The following FBXW7 variants were observed in gnomAD, a reference collection of about 807,000 sequenced individuals.
The protein encoded by FBXW7 is F-box/WD repeat-containing protein 7.
FBXW7 carries 11 observed loss-of-function variants against 86.3 expected under a neutral mutation model. The observed-to-expected ratio is 0.13, with a 90% CI of 0.08 to 0.21. FBXW7 has a LOEUF of 0.21. Among genes scored for constraint, FBXW7 ranks in the 10% least tolerant of loss-of-function variants. The pLI is 1.00. For synonymous variants in FBXW7, 313 were observed against 297.9 expected (o/e 1.05, Z -0.52); for missense variants, 488 against 847.4 (o/e 0.58, Z 5.27).
chr4:152,367,254 A>G (rs1340134283), intron 4 of FBXW7, among the ~76,000 whole-genome samples: 4 of 152,176 alleles, frequency 2.6e-5, no homozygotes, highest in Admixed American at 1.3e-4. Flanking sequence ...GTGCACATGT[A>G]CCCTAGAACT....
chr4:152,512,701 T>C (rs1748091103), intron 2 of FBXW7, among the ~76,000 whole-genome samples: 1 of 152,092 alleles, frequency 6.6e-6, no homozygotes, highest in African/African-American at 2.4e-5. Flanking sequence ...TCCATAGAGA[T>C]AGGAAGTAGA....
At chr4:152,484,486 G>T (rs935750191) in intron 2 of FBXW7, among the ~76,000 whole-genome samples, 75 of 152,010 alleles carry the variant, frequency 4.9e-4, no homozygotes, top group African/African-American at 1.8e-3. Flanking sequence ...CACATACAAG[G>T]GGAAAAAGGG....
At chr4:152,422,717 A>G (rs1296507347) in intron 2 of FBXW7, among the ~76,000 whole-genome samples, 1 of 152,208 alleles carries the variant, frequency 6.6e-6, no homozygotes, top group Non-Finnish European at 1.5e-5. Flanking sequence ...TTTGCCAGCG[A>G]GCCCAGAAGC....
rs1029868423 is a variant in FBXW7, at chr4:152,323,072, T to A, written c.1933A>T (p.Thr645Ser). Reference sequence around the variant, plus strand: ...GTTTTCAAGTCCCATAGTTTTACAGTTCCATCATCTGAGCTGGTAATTACA... The same window carrying A: ...GTTTTCAAGTCCCATAGTTTTACAGATCCATCATCTGAGCTGGTAATTACA... ...NFVITSSDDG[T>S]VKLWDLKTGE... Residue 645 changes from threonine to serine, a missense_variant, in exon 14 of 14, where the codon ACT becomes TCT. Around this residue, in one of 4 missense-constraint regions of FBXW7, gnomAD observed 142 missense variants for 406.6 expected, o/e 0.35. Coordinates refer to ENST00000281708, the MANE Select transcript of FBXW7 (RefSeq NM_001349798.2). The A allele has an allele frequency of 6.2e-7, 1 of 1,613,772 alleles. No homozygotes were observed. Among genetic ancestry groups the A allele is most frequent in the African/African-American group, 1.3e-5 (1 of 74,904 alleles).
At chr4:152,419,494 A>AACACACACACACACACACACAC (rs57894523) in intron 2 of FBXW7, among the ~76,000 whole-genome samples, 8 of 123,344 alleles carry the variant, frequency 6.5e-5, no homozygotes, top group African/African-American at 9.1e-5. Context: ...GGATAAGGTA[A>AACACACACACACACACACACAC]ACACACACAC....
intron 2 of FBXW7, among the ~76,000 whole-genome samples, chr4:152,502,155 T>G (rs1339637859): frequency 6.6e-6 from 1 of 152,206 alleles, no homozygotes; most frequent in Non-Finnish European, 1.5e-5. Flanking sequence ...TAGCCACATG[T>G]GACTACTAAG....
chr4:152,441,563 C>A (rs769617576), intron 2 of FBXW7, among the ~76,000 whole-genome samples: 6 of 152,080 alleles, frequency 3.9e-5, no homozygotes, highest in Non-Finnish European at 1.5e-5. Context: ...CTTTTCAATT[C>A]ACTCTTAATG....
At chr4:152,473,901 T>A (rs1454858566) in intron 2 of FBXW7, among the ~76,000 whole-genome samples, 1 of 151,712 alleles carries the variant, frequency 6.6e-6, no homozygotes, top group Non-Finnish European at 1.5e-5. Context: ...AAGGAAAAAA[T>A]CCCTCCCTTA....
intron 4 of FBXW7, among the ~76,000 whole-genome samples, chr4:152,385,112 T>C (rs1438887866): frequency 6.6e-6 from 1 of 152,040 alleles, no homozygotes; most frequent in African/African-American, 2.4e-5. Flanking sequence ...TTTTCTGCAG[T>C]CTGAGATTAT....
At chr4:152,348,696 T>C (rs1731503593) in intron 5 of FBXW7, 21 of 1,179,126 alleles carry the variant, frequency 1.8e-5, no homozygotes, top group Non-Finnish European at 2.3e-5. Flanking sequence ...ATCAGCCATA[T>C]TAATAGAAGA....
Position 152,414,237 on chromosome 4 carries a change from C to T in FBXW7, c.-119-1708G>A, listed in dbSNP as rs561828282. Among the ~76,000 whole-genome samples the T allele has an allele frequency of 4.6e-5, 7 of 152,254 alleles. No individual in the cohort carries two copies. In the East Asian group the frequency reaches 1.2e-3, roughly 25 times the overall value. ...ATCTTTAAGGCAAATTACAGCCTTCCTGCACTTCGGAACATTAAACAGAAC... is the reference window on the plus strand; with the variant it reads ...ATCTTTAAGGCAAATTACAGCCTTCTTGCACTTCGGAACATTAAACAGAAC... On this transcript the variant is annotated intron_variant, in intron 2 of 13. Coordinates refer to ENST00000281708, the MANE Select transcript of FBXW7 (RefSeq NM_001349798.2).
intron 2 of FBXW7, among the ~76,000 whole-genome samples, chr4:152,501,027 G>A (rs1416828766): frequency 6.6e-6 from 1 of 152,164 alleles, no homozygotes; most frequent in Non-Finnish European, 1.5e-5. Flanking sequence ...ATTTCTCACA[G>A]GATAGACAAG....
intron 2 of FBXW7, 109 bp from the exon 3 acceptor site, chr4:152,412,638 A>C (rs1738067221): frequency 1.3e-5 from 2 of 152,036 alleles, no homozygotes; most frequent in South Asian, 4.1e-4. Context: ...ATAAAAATCC[A>C]AATGTTCAAT....
At chr4:152,329,932 T>C (rs1455602531) in intron 9 of FBXW7, 147 bp from the exon 10 acceptor site, 2 of 450,856 alleles carry the variant, frequency 4.4e-6, no homozygotes, top group Non-Finnish European at 7.7e-6. Context: ...TTATTTTTCC[T>C]GGCTGACGAA....
chr4:152,525,734 G>A (rs1749449607), intron 2 of FBXW7, among the ~76,000 whole-genome samples: 2 of 152,090 alleles, frequency 1.3e-5, no homozygotes, highest in South Asian at 2.1e-4. Flanking sequence ...CCACATCTTT[G>A]CTATTGTGAT....
chr4:152,397,596 T>C (rs556086805), intron 4 of FBXW7, among the ~76,000 whole-genome samples: 6 of 148,878 alleles, frequency 4.0e-5, no homozygotes, highest in African/African-American at 1.2e-4. Flanking sequence ...CATAAGAGCC[T>C]GAACAGTCTT....
intron 2 of FBXW7, among the ~76,000 whole-genome samples, chr4:152,501,973 T>C (rs1746995798): frequency 1.3e-5 from 2 of 152,180 alleles, no homozygotes; most frequent in Admixed American, 1.3e-4. Flanking sequence ...AAAATGCAAG[T>C]AGTTCTAAGT....
chr4:152,467,817 T>C (rs770359373), intron 2 of FBXW7, among the ~76,000 whole-genome samples: 2 of 152,136 alleles, frequency 1.3e-5, no homozygotes, highest in Non-Finnish European at 2.9e-5. Context: ...ACAGATCAGC[T>C]GAACTTCAAA....
intron 4 of FBXW7, among the ~76,000 whole-genome samples, chr4:152,404,728 C>T (rs1737253333): frequency 6.6e-6 from 1 of 152,126 alleles, no homozygotes; most frequent in East Asian, 1.9e-4. Flanking sequence ...ATACTGAATA[C>T]CTGAGTCTTA....
Sources: allele counts gnomAD v4.1 joint callset (sites outside exome capture counted in the v4.1 genomes callset), GRCh38; gene constraint gnomAD v4.1.1; regional missense constraint gnomAD v4.1.1; transcripts MANE v1.5; gene names NCBI Gene and HGNC (gene_info 2026-07-23, HGNC 2026-07-21).